KIAA1217: variants seen among roughly 807,000 people sequenced by gnomAD.
The protein encoded by KIAA1217 is sickle tail protein homolog.
KIAA1217 carries 88 observed loss-of-function variants against 163.9 expected under a neutral mutation model. The observed-to-expected ratio is 0.54, with a 90% CI of 0.45 to 0.64. The LOEUF is 0.64. KIAA1217 is among the 30% of genes least tolerant of loss of function. KIAA1217 has a pLI of 0.00. For synonymous variants in KIAA1217, 903 were observed against 923.1 expected (o/e 0.98, Z 0.39); for missense variants, 2,372 against 2,475.0 (o/e 0.96, Z 0.88).
chr10:23,779,823 CATGAG>C (rs1835174995), intron 1 of KIAA1217, among the ~76,000 whole-genome samples: 1 of 152,106 alleles, frequency 6.6e-6, no homozygotes, highest in African/African-American at 2.4e-5. Context: ...ACAGTGTTCC[CATGAG>C]ATTATAACGC....
intron 1 of KIAA1217, among the ~76,000 whole-genome samples, chr10:23,825,834 G>A (rs1308244127): frequency 1.2e-4 from 19 of 152,170 alleles, no homozygotes; most frequent in Admixed American, 1.2e-3. Context: ...TTAGGAACTG[G>A]AAGACCTCGC....
intron 1 of KIAA1217, among the ~76,000 whole-genome samples, chr10:23,805,173 C>T (rs1183168673): frequency 6.6e-6 from 1 of 151,952 alleles, no homozygotes; most frequent in African/African-American, 2.4e-5. Context: ...GGTATATATC[C>T]AAAGGAATAT....
chr10:24,519,984 C>T, intron 10 of KIAA1217, 139 bp from the exon 11 acceptor site: 1 of 895,252 alleles, frequency 1.1e-6, no homozygotes, highest in Non-Finnish European at 1.7e-6. Flanking sequence ...GACCCCCCTC[C>T]ACCACCACCA....
At chr10:24,032,429 T>C (rs1225097132) in intron 2 of KIAA1217, among the ~76,000 whole-genome samples, 1 of 152,134 alleles carries the variant, frequency 6.6e-6, no homozygotes, top group Admixed American at 6.5e-5. Context: ...GTATTTCTTG[T>C]AGAGATGGGA....
intron 2 of KIAA1217, among the ~76,000 whole-genome samples, chr10:24,227,655 C>G (rs530351158): frequency 6.6e-6 from 1 of 152,110 alleles, no homozygotes; most frequent in African/African-American, 2.4e-5. Flanking sequence ...GCCTCAGCCT[C>G]CCAAGTAGCT....
At chr10:24,457,998 TTG>T (rs1401930660) in intron 5 of KIAA1217, among the ~76,000 whole-genome samples, 2 of 152,098 alleles carry the variant, frequency 1.3e-5, no homozygotes, top group Admixed American at 6.5e-5. Context: ...GGGAAGCAGA[TTG>T]TGTCTCTGAA....
At chr10:23,920,701 C>G (rs1005857197) in intron 1 of KIAA1217, among the ~76,000 whole-genome samples, 8 of 152,218 alleles carry the variant, frequency 5.3e-5, no homozygotes, top group Middle Eastern at 6.8e-3. Context: ...TCAAGATGGC[C>G]CAGTCAGTCC....
At chr10:24,197,826 T>C (rs929475266) in intron 2 of KIAA1217, among the ~76,000 whole-genome samples, 2 of 152,266 alleles carry the variant, frequency 1.3e-5, no homozygotes, top group African/African-American at 4.8e-5. Context: ...TCTGCTATTG[T>C]CTTGTTCATG....
At chr10:24,121,245 G>A (rs1056072095) in intron 2 of KIAA1217, among the ~76,000 whole-genome samples, 1 of 152,158 alleles carries the variant, frequency 6.6e-6, no homozygotes, top group Non-Finnish European at 1.5e-5. Flanking sequence ...GGGGTAAAGT[G>A]GAAACAGACA....
At chr10:24,418,435 G>A (rs1008543985) in intron 3 of KIAA1217, among the ~76,000 whole-genome samples, 2 of 152,090 alleles carry the variant, frequency 1.3e-5, no homozygotes, top group Admixed American at 6.5e-5. Context: ...TTTCCCAATA[G>A]TAGAAAATAA....
At chr10:23,816,400 C>T (rs539103032) in intron 1 of KIAA1217, among the ~76,000 whole-genome samples, 1 of 152,064 alleles carries the variant, frequency 6.6e-6, no homozygotes. Context: ...TCAAGCAATT[C>T]TCCTGCCTCA....
Position 24,003,686 on chromosome 10 carries a change from T to C in KIAA1217, c.-320-3539T>C, listed in dbSNP as rs191268764. 6.6e-5 allele frequency among the ~76,000 whole-genome samples: 10 copies of C among 152,326 alleles called. No individual in the cohort carries two copies. In the East Asian group the frequency reaches 9.7e-4, roughly 15 times the overall value. On this transcript the variant is annotated intron_variant, in intron 1 of 18. Coordinates refer to the KIAA1217 transcript ENST00000376462. ...GTTTCACAACTGCTTTTCTCACAAA[T>C]ACTGCGCTATCACAGGATAACTCTG...
intron 2 of KIAA1217, among the ~76,000 whole-genome samples, chr10:24,291,339 G>A (rs1445540173): frequency 6.6e-6 from 1 of 152,148 alleles, no homozygotes; most frequent in Non-Finnish European, 1.5e-5. Flanking sequence ...GACCAGCCTG[G>A]CCAACATGGT....
chr10:24,490,764 G>A (rs1274899374), intron 6 of KIAA1217, among the ~76,000 whole-genome samples: 1 of 152,204 alleles, frequency 6.6e-6, no homozygotes, highest in Non-Finnish European at 1.5e-5. Context: ...CTACTGTCAA[G>A]CATCTGAACT....
At position 24,005,506 on chromosome 10, in the gene KIAA1217, G is replaced by A. The variant is rs547543804; in HGVS notation, c.-320-1719G>A. Reference sequence around the variant, plus strand: ...TGGTCACTGGTTTATGTAAGTGGAAGGATCCCAGACTTTGAAGTCACACTG... The same window carrying A: ...TGGTCACTGGTTTATGTAAGTGGAAAGATCCCAGACTTTGAAGTCACACTG... On this transcript the variant is annotated intron_variant, in intron 1 of 18. Coordinates refer to the KIAA1217 transcript ENST00000376462. Among the ~76,000 whole-genome samples the A allele has an allele frequency of 8.5e-4, 130 of 152,264 alleles. 4 individuals are homozygous for A. In the South Asian group the frequency reaches 0.026, roughly 31 times the overall value.
intron 1 of KIAA1217, among the ~76,000 whole-genome samples, chr10:23,960,249 G>C (rs559272290): frequency 6.6e-6 from 1 of 151,180 alleles, no homozygotes; most frequent in South Asian, 2.1e-4. Context: ...GGGGAGAAGG[G>C]AAGGAGGCAA....
At chr10:23,929,720 G>A (rs1843176784) in intron 1 of KIAA1217, among the ~76,000 whole-genome samples, 1 of 152,178 alleles carries the variant, frequency 6.6e-6, no homozygotes, top group Non-Finnish European at 1.5e-5. Context: ...GGGCACCTAA[G>A]TTGCTTACAT....
chr10:24,056,307 G>A (rs1052291483), intron 2 of KIAA1217, among the ~76,000 whole-genome samples: 1 of 152,076 alleles, frequency 6.6e-6, no homozygotes, highest in African/African-American at 2.4e-5. Context: ...CAGCCTGGGT[G>A]ACAGAGGGAG....
At chr10:23,786,675 C>T (rs1158364462) in intron 1 of KIAA1217, among the ~76,000 whole-genome samples, 2 of 152,106 alleles carry the variant, frequency 1.3e-5, no homozygotes, top group African/African-American at 4.8e-5. Flanking sequence ...GTTTTCATAG[C>T]CTTGCTTCCT....
Sources: gnomAD v4.1 joint callset for allele counts (sites outside exome capture counted in the v4.1 genomes callset) on GRCh38, gnomAD v4.1.1 for gene constraint, MANE v1.5 for transcripts, NCBI Gene and HGNC (gene_info 2026-07-23, HGNC 2026-07-21) for gene names.